CCDC122: variants seen among roughly 807,000 people sequenced by gnomAD.
CCDC122 encodes coiled-coil domain containing 122.
In CCDC122, 38 loss-of-function variants were observed where a neutral mutation model predicts 37.0. That is an observed-to-expected ratio of 1.03 (90% CI 0.79 to 1.35). The LOEUF is 1.35. Ranked by LOEUF, CCDC122 falls within the 40% of genes most tolerant of loss-of-function variation. The pLI is 0.00. For synonymous variants in CCDC122, 83 were observed against 95.6 expected (o/e 0.87, Z 0.77); for missense variants, 305 against 310.0 (o/e 0.98, Z 0.12).
chr13:43,865,754 C>T (rs975882806), intron 4 of CCDC122, among the ~76,000 whole-genome samples: 4 of 152,148 alleles, frequency 2.6e-5, no homozygotes, highest in African/African-American at 4.8e-5. Context: ...TGAGCCACCA[C>T]GCCCAGCCAG....
At chr13:43,872,371 A>G (rs1374124554) in intron 2 of CCDC122, among the ~76,000 whole-genome samples, 1 of 152,148 alleles carries the variant, frequency 6.6e-6, no homozygotes, top group African/African-American at 2.4e-5. Context: ...GCTTAAAGAA[A>G]GACATGCAAC....
chr13:43,878,395 A>G (rs1032167350), intron 1 of CCDC122, among the ~76,000 whole-genome samples: 1 of 152,198 alleles, frequency 6.6e-6, no homozygotes, highest in Non-Finnish European at 1.5e-5. Context: ...GAATTTTGAC[A>G]TAACTGGTGC....
At chr13:43,855,662 A>G (rs1173949618) in intron 6 of CCDC122, 1 of 142,270 alleles carries the variant, frequency 7.0e-6, no homozygotes, top group Non-Finnish European at 1.5e-5. Context: ...CATCATCACT[A>G]GTATCAAAAA....
chr13:43,851,338 G>A (rs1457848208), intron 6 of CCDC122, among the ~76,000 whole-genome samples: 1 of 152,154 alleles, frequency 6.6e-6, no homozygotes, highest in Non-Finnish European at 1.5e-5. Flanking sequence ...GTGAGGTGAT[G>A]AAAATTTCTA....
At chr13:43,828,916 T>G (rs1198672326) in intron 3 of CCDC122, among the ~76,000 whole-genome samples, 1 of 152,220 alleles carries the variant, frequency 6.6e-6, no homozygotes. Flanking sequence ...AGGACTAGCA[T>G]CATTAATTTA....
chr13:43,845,481 C>G (rs1365446979), intron 6 of CCDC122, among the ~76,000 whole-genome samples: 4 of 152,194 alleles, frequency 2.6e-5, no homozygotes, highest in Non-Finnish European at 5.9e-5. Flanking sequence ...GAGGCTGAGG[C>G]AGGTAGACCA....
chr13:43,860,427 A>G (rs535365568), intron 4 of CCDC122, among the ~76,000 whole-genome samples: 2 of 152,296 alleles, frequency 1.3e-5, no homozygotes, highest in African/African-American at 4.8e-5. Flanking sequence ...TAAAGCCCTG[A>G]GTTAAGAATC....
chr13:43,835,045 G>C (rs538543606), downstream of CCDC122, among the ~76,000 whole-genome samples: 6 of 152,106 alleles, frequency 3.9e-5, 1 homozygote, highest in East Asian at 1.2e-3. Context: ...CAATAGCAAA[G>C]ACTTGGAACC....
rs1213836845 is a variant in CCDC122 at position 43,836,852 on chromosome 13, G to C, written c.*428C>G. On this transcript the variant is annotated 3_prime_UTR_variant, in exon 7 of 7. Transcript: ENST00000444614. ...GGCCTGGGCGACAGAGCGAGACTCC[G>C]TCTCAAAAAAAAAAAAAAAAAAAAA... The C allele has an allele frequency of 1.7e-5, 1 of 58,746 alleles. No individual in the cohort carries two copies. The highest frequency in any genetic ancestry group is 3.3e-5 in the Non-Finnish European group (1 of 29,956). The allele number at this position is 58,746 out of a possible 1,614,324, so 3.6% of individuals were successfully genotyped here.
chr13:43,837,056 C>A lies in CCDC122; in HGVS notation c.*224G>T. 1 of 468,870 alleles carries A rather than the reference C, an allele frequency of 2.1e-6. No homozygotes were observed. Among genetic ancestry groups the A allele is most frequent in the Non-Finnish European group, 3.8e-6 (1 of 265,392 alleles). 29.0% of individuals were successfully genotyped at this position (468,870 alleles called of 1,614,324 possible). A position where few individuals can be genotyped will look rare whatever the true frequency, so the allele number is the denominator to read the frequency against. On this transcript the variant is annotated 3_prime_UTR_variant, in exon 7 of 7. Transcript: ENST00000444614. ...CACAGAGACTCTTGCATTATTTTCC[C>A]GTAGACATTCCTATTGTCTGTCTAC... is the stretch of plus-strand genomic sequence containing the variant.
downstream of CCDC122, among the ~76,000 whole-genome samples, chr13:43,822,677 C>G (rs1953003064): frequency 6.6e-6 from 1 of 152,198 alleles, no homozygotes; most frequent in Admixed American, 6.5e-5. Flanking sequence ...CCACTCTTCT[C>G]CCTCCTTTTC....
At chr13:43,851,055 C>T (rs1213512943) in intron 6 of CCDC122, among the ~76,000 whole-genome samples, 2 of 152,052 alleles carry the variant, frequency 1.3e-5, no homozygotes, top group Non-Finnish European at 2.9e-5. Context: ...TAACATTTTT[C>T]AACTGTGGAA....
At chr13:43,843,138 G>C (rs1466345136) in intron 6 of CCDC122, among the ~76,000 whole-genome samples, 1 of 151,998 alleles carries the variant, frequency 6.6e-6, no homozygotes, top group Non-Finnish European at 1.5e-5. Context: ...CAGTAAGTAT[G>C]ATATGTTGTT....
At chr13:43,838,907 G>A (rs188900781) in intron 6 of CCDC122, among the ~76,000 whole-genome samples, 3 of 152,332 alleles carry the variant, frequency 2.0e-5, no homozygotes, top group Admixed American at 2.0e-4. Context: ...TTCCCTGGGT[G>A]AGAATTTCAG....
At chr13:43,835,922 T>C (rs1031127644), downstream of CCDC122, among the ~76,000 whole-genome samples, 3 of 152,190 alleles carry the variant, frequency 2.0e-5, no homozygotes, top group African/African-American at 7.2e-5. Context: ...CCAAAGCTGA[T>C]TGTGTTACAG....
chr13:43,820,403 C>T (rs984221479), downstream of CCDC122, among the ~76,000 whole-genome samples: 4 of 152,098 alleles, frequency 2.6e-5, no homozygotes, highest in Non-Finnish European at 4.4e-5. Context: ...AAGTATGAGA[C>T]AACTTGACAC....
chr13:43,868,059 C>CAATA (rs1054458955), intron 4 of CCDC122, among the ~76,000 whole-genome samples: 2 of 151,378 alleles, frequency 1.3e-5, no homozygotes, highest in African/African-American at 2.4e-5. Flanking sequence ...ACAACAAATT[C>CAATA]ACGGAACAAA....
At chr13:43,860,731 C>A (rs936952365) in intron 4 of CCDC122, among the ~76,000 whole-genome samples, 7 of 152,104 alleles carry the variant, frequency 4.6e-5, no homozygotes, top group African/African-American at 1.4e-4. Context: ...ATAATTTCCT[C>A]TTCTCACTCT....
intron 6 of CCDC122, among the ~76,000 whole-genome samples, chr13:43,850,077 T>C (rs545267364): frequency 9.2e-5 from 14 of 152,146 alleles, no homozygotes; most frequent in Non-Finnish European, 1.8e-4. Flanking sequence ...GAGGCCATGT[T>C]AGGAGTAGTA....
Sources: allele counts gnomAD v4.1 joint callset (sites outside exome capture counted in the v4.1 genomes callset), GRCh38; gene constraint gnomAD v4.1.1; transcripts MANE v1.5; gene names NCBI Gene and HGNC (gene_info 2026-07-23, HGNC 2026-07-21).